Variants in PPP6R3 observed in about 807,000 individuals in gnomAD.
The protein encoded by PPP6R3 is serine/threonine-protein phosphatase 6 regulatory subunit 3.
Under a neutral mutation model 110.7 loss-of-function variants are expected in PPP6R3, and 38 were observed. The observed-to-expected ratio is 0.34, with a 90% CI of 0.26 to 0.45. The LOEUF is 0.45. PPP6R3 is among the 20% of genes least tolerant of loss of function. PPP6R3 has a pLI of 1.00. For synonymous variants in PPP6R3, 369 were observed against 373.5 expected (o/e 0.99, Z 0.14); for missense variants, 870 against 1,062.4 (o/e 0.82, Z 2.52).
chr11:68,559,798 A>C (rs2099412215), intron 8 of PPP6R3, among the ~76,000 whole-genome samples: 2 of 112,650 alleles, frequency 1.8e-5, no homozygotes, highest in Admixed American at 9.2e-5. Context: ...CCCTCTTCCC[A>C]CCCCAGCGGT....
chr11:68,565,076 A>G (rs2099455277), intron 9 of PPP6R3, among the ~76,000 whole-genome samples: 1 of 150,960 alleles, frequency 6.6e-6, no homozygotes, highest in Non-Finnish European at 1.5e-5. Flanking sequence ...GTTCCCAGCA[A>G]CAGTTCTTAA....
intron 1 of PPP6R3, among the ~76,000 whole-genome samples, chr11:68,505,893 G>A (rs2099073576): frequency 1.3e-5 from 2 of 152,084 alleles, no homozygotes; most frequent in South Asian, 2.1e-4. Flanking sequence ...CACATTAGAA[G>A]GTTTAGGTTC....
chr11:68,602,032 G>A (rs1004280693), intron 21 of PPP6R3, 63 bp downstream of exon 21: 202 of 1,337,792 alleles, frequency 1.5e-4, no homozygotes, highest in Non-Finnish European at 2.2e-5. Flanking sequence ...AACCAGACCT[G>A]ATTCTCAGGC....
intron 1 of PPP6R3, among the ~76,000 whole-genome samples, chr11:68,517,955 T>G (rs1402094398): frequency 1.4e-5 from 2 of 146,232 alleles, no homozygotes; most frequent in African/African-American, 2.5e-5. Flanking sequence ...AAAAAAAAAG[T>G]TAATAAAATA....
intron 5 of PPP6R3, among the ~76,000 whole-genome samples, chr11:68,549,243 A>T (rs1234848256): frequency 1.3e-5 from 2 of 152,180 alleles, no homozygotes. Flanking sequence ...GCTTCAGTCT[A>T]TCCGTCTTTA....
At chr11:68,510,492 G>T (rs2099103449) in intron 1 of PPP6R3, among the ~76,000 whole-genome samples, 1 of 151,956 alleles carries the variant, frequency 6.6e-6, no homozygotes, top group East Asian at 1.9e-4. Flanking sequence ...GTGCTACCAT[G>T]CTTGGCTGAT....
At chr11:68,510,836 A>G (rs1008401573) in intron 1 of PPP6R3, among the ~76,000 whole-genome samples, 7 of 152,078 alleles carry the variant, frequency 4.6e-5, no homozygotes, top group African/African-American at 1.7e-4. Context: ...TGAAGACTGT[A>G]TTTGAAGGGT....
At chr11:68,582,493 C>T (rs893308902) in intron 14 of PPP6R3, among the ~76,000 whole-genome samples, 1 of 152,150 alleles carries the variant, frequency 6.6e-6, no homozygotes, top group Non-Finnish European at 1.5e-5. Flanking sequence ...GATTTGGGGT[C>T]TTTTGTGAGT....
intron 12 of PPP6R3, among the ~76,000 whole-genome samples, chr11:68,571,417 TTGA>T (rs2099506140): frequency 6.6e-6 from 1 of 152,218 alleles, no homozygotes; most frequent in Non-Finnish European, 1.5e-5. Flanking sequence ...AGTTAAGTCC[TTGA>T]TGATGTGACT....
intron 3 of PPP6R3, 121 bp from the exon 4 acceptor site, chr11:68,544,717 G>T: frequency 1.5e-6 from 1 of 664,730 alleles, no homozygotes; most frequent in Non-Finnish European, 2.4e-6. Flanking sequence ...ATGATTTCCT[G>T]ATTTCCAGTA....
At chr11:68,465,551 C>A (rs958425054) in intron 1 of PPP6R3, among the ~76,000 whole-genome samples, 1 of 152,216 alleles carries the variant, frequency 6.6e-6, no homozygotes, top group African/African-American at 2.4e-5. Flanking sequence ...TATTCTTCAT[C>A]CTGAAATTCG....
intron 2 of PPP6R3, among the ~76,000 whole-genome samples, chr11:68,527,896 C>T (rs1430627427): frequency 6.6e-6 from 1 of 152,182 alleles, no homozygotes. Context: ...TTCAGGGAGG[C>T]GTCGCCTGGC....
chr11:68,605,907 G>C (rs1357780064), intron 22 of PPP6R3, among the ~76,000 whole-genome samples: 1 of 152,164 alleles, frequency 6.6e-6, no homozygotes, highest in Non-Finnish European at 1.5e-5. Flanking sequence ...TAAGTTGTTA[G>C]AGAAGATAGA....
chr11:68,569,588 T>C (rs1162783639), intron 10 of PPP6R3, among the ~76,000 whole-genome samples, 160 bp from the exon 11 acceptor site: 1 of 152,214 alleles, frequency 6.6e-6, no homozygotes, highest in Non-Finnish European at 1.5e-5. Flanking sequence ...GAAACTGTGG[T>C]TATGCAAGTA....
At chr11:68,491,886 C>G (rs2098986653) in intron 1 of PPP6R3, among the ~76,000 whole-genome samples, 1 of 151,882 alleles carries the variant, frequency 6.6e-6, no homozygotes, top group Non-Finnish European at 1.5e-5. Flanking sequence ...AAAAACCACA[C>G]AAAAAACTCA....
In PPP6R3 at chr11:68,600,830, A is replaced by G. The variant is rs368930851; in HGVS notation, c.2192+336A>G. Among the ~76,000 whole-genome samples, 8 of 152,298 alleles carry G rather than the reference A, an allele frequency of 5.3e-5. No homozygotes were observed. In the South Asian group the frequency reaches 1.5e-3, roughly 28 times the overall value. ...TAGAGCTGTCAGGACAGAATTGAGG[A>G]GAAGAGGAATGAGGTGAAGCCAAGA... is the stretch of plus-strand genomic sequence containing the variant. On this transcript the variant is annotated intron_variant, in intron 20 of 23. Transcript: ENST00000393800.
At chr11:68,500,092 T>C (rs549791117) in intron 1 of PPP6R3, among the ~76,000 whole-genome samples, 1 of 152,332 alleles carries the variant, frequency 6.6e-6, no homozygotes, top group South Asian at 2.1e-4. Flanking sequence ...ATAAATATGT[T>C]AGTATATGTT....
At position 68,479,373 on chromosome 11, in the gene PPP6R3, A is replaced by AT. The variant is rs576022873; in HGVS notation, c.-158+18552dup. 7.1e-4 allele frequency among the ~76,000 whole-genome samples: 108 copies of AT among 152,224 alleles called. 1 individual carries two copies. In the South Asian group the frequency reaches 0.013, roughly 19 times the overall value. On this transcript the variant is annotated intron_variant, in intron 1 of 23. Transcript: ENST00000393800. ...GTCTGTCACATGAGGTCAAGGTGGAATTTTTTACTTGTGGTATTAAAAATG... is the reference window on the plus strand; with the variant it reads ...GTCTGTCACATGAGGTCAAGGTGGAATTTTTTTACTTGTGGTATTAAAAATG...
At chr11:68,464,437 C>G (rs953163471) in intron 1 of PPP6R3, among the ~76,000 whole-genome samples, 3 of 152,082 alleles carry the variant, frequency 2.0e-5, no homozygotes, top group South Asian at 2.1e-4. Context: ...CCACGAGAAT[C>G]TATTTTTTAG....
Sources: gnomAD v4.1 joint callset for allele counts (sites outside exome capture counted in the v4.1 genomes callset) on GRCh38, gnomAD v4.1.1 for gene constraint, MANE v1.5 for transcripts, NCBI Gene and HGNC (gene_info 2026-07-23, HGNC 2026-07-21) for gene names.